Variants in DDI2 observed in about 807,000 individuals in gnomAD.
DDI2 encodes DDI proteasomal shuttling factor 2, also known as protein DDI1 homolog 2.
DDI2 carries 5 observed loss-of-function variants against 48.1 expected under a neutral mutation model. The observed-to-expected ratio is 0.10, with a 90% CI of 0.05 to 0.22. The LOEUF is 0.22. Ranked by LOEUF, DDI2 falls within the 10% of genes least tolerant of loss-of-function variation. The pLI, the probability that DDI2 is intolerant of heterozygous loss-of-function variation, is 1.00. For synonymous variants in DDI2, 205 were observed against 183.6 expected (o/e 1.12, Z -0.94); for missense variants, 285 against 506.2 (o/e 0.56, Z 4.19).
At position 15,617,617 on chromosome 1, in the gene DDI2, G is replaced by C; in HGVS notation, c.-54G>C. 1 of 1,284,584 alleles carries C rather than the reference G, an allele frequency of 7.8e-7. No individual in the cohort carries two copies. The allele number at this position is 1,284,584 out of a possible 1,614,324, so 79.6% of individuals were successfully genotyped here. On this transcript the variant is annotated 5_prime_UTR_variant, in exon 1 of 10. Coordinates refer to ENST00000480945, the MANE Select transcript of DDI2 (RefSeq NM_032341.5). Reference sequence around the variant, plus strand: ...AGGCCACGCCGCCGCCTCTTCCCCTGCGCCCCGCGCCCAGGCCGGGCCGAG... The same window carrying C: ...AGGCCACGCCGCCGCCTCTTCCCCTCCGCCCCGCGCCCAGGCCGGGCCGAG...
In DDI2 at chr1:15,652,270, C is replaced by T. The variant is rs191971861; in HGVS notation, c.1183+375C>T. Among the ~76,000 whole-genome samples, 19 of 151,424 alleles carry T rather than the reference C, an allele frequency of 1.3e-4. No homozygotes were observed. In the East Asian group the frequency reaches 3.7e-3, roughly 30 times the overall value. ...ATAGGGTCTTGCTGTGTTGTCCAGG[C>T]CTATCTCCAACTCCTGGGCTCAAGC... On this transcript the variant is annotated intron_variant, in intron 8 of 9. Transcript: ENST00000480945.
At chr1:15,658,037 C>A (rs910767142) in intron 9 of DDI2, among the ~76,000 whole-genome samples, 1 of 152,110 alleles carries the variant, frequency 6.6e-6, no homozygotes, top group Non-Finnish European at 1.5e-5. Flanking sequence ...TAAGATCAAG[C>A]CCTCTTGTTG....
At chr1:15,656,356 C>A in intron 8 of DDI2, 1 of 1,300,232 alleles carries the variant, frequency 7.7e-7, no homozygotes, top group African/African-American at 1.5e-5. Context: ...CCCGTGAATT[C>A]TCTATGTGTA....
chr1:15,636,956 C>T (rs1047809842), intron 4 of DDI2, among the ~76,000 whole-genome samples: 3 of 152,132 alleles, frequency 2.0e-5, no homozygotes, highest in Non-Finnish European at 4.4e-5. Context: ...ATTTACCAAC[C>T]CTGGATTTAC....
At chr1:15,659,703 C>A in intron 9 of DDI2, 134 bp from the exon 10 acceptor site, 1 of 807,184 alleles carries the variant, frequency 1.2e-6, no homozygotes, top group East Asian at 2.8e-5. Flanking sequence ...AAAATCATTT[C>A]TATTTGTGTA....
Position 15,660,611 on chromosome 1 carries a change from T to A in DDI2, c.*821T>A, listed in dbSNP as rs780934427. 6.2e-7 allele frequency: 1 copy of A among 1,614,076 alleles called. No homozygotes were observed. The highest frequency in any genetic ancestry group is 8.5e-7 in the Non-Finnish European group (1 of 1,180,012). ...AGTGGCTGCTCAAATTCAGAAACATTTATGGAAATCGATACAGCTCAACAG... is the reference window on the plus strand; with the variant it reads ...AGTGGCTGCTCAAATTCAGAAACATATATGGAAATCGATACAGCTCAACAG... On this transcript the variant is annotated 3_prime_UTR_variant, in exon 10 of 10. Transcript: ENST00000480945.
chr1:15,650,053 T>G (rs1640153416), intron 7 of DDI2, among the ~76,000 whole-genome samples: 1 of 152,218 alleles, frequency 6.6e-6, no homozygotes, highest in South Asian at 2.1e-4. Flanking sequence ...GCCAAATGTT[T>G]TGAGATTGTA....
rs141412676 is a variant in DDI2 at position 15,661,636 on chromosome 1, G to A, written c.*1846G>A. 2.5e-6 allele frequency: 4 copies of A among 1,613,998 alleles called. No homozygotes were observed. The African/African-American group carries it at 5.3e-5, about 22-fold the overall frequency. ...CCGTGCTGGCTTTACTTTGCAGGAAGCTCTTGGAGCTTTGCATCGAGTTGG... is the reference window on the plus strand; with the variant it reads ...CCGTGCTGGCTTTACTTTGCAGGAAACTCTTGGAGCTTTGCATCGAGTTGG... On this transcript the variant is annotated 3_prime_UTR_variant, in exon 10 of 10. Transcript: ENST00000480945.
In DDI2 at chr1:15,667,922, A is replaced by G. The variant is rs1380139200; in HGVS notation, c.*8132A>G. ...ACTATCTTCTGGAATGAAATCGGCC[A>G]AGAAAATGGTTCAAGGGCATGGGGG... On this transcript the variant is annotated 3_prime_UTR_variant, in exon 10 of 10. Transcript: ENST00000480945. 1.3e-5 allele frequency: 2 copies of G among 152,222 alleles called. No homozygotes were observed. Among genetic ancestry groups the G allele is most frequent in the East Asian group, 1.9e-4 (1 of 5,196 alleles). 9.4% of individuals were successfully genotyped at this position (152,222 alleles called of 1,614,324 possible). A position where few individuals can be genotyped will look rare whatever the true frequency, so the allele number is the denominator to read the frequency against.
At chr1:15,650,607 G>T (rs1261626967) in intron 7 of DDI2, among the ~76,000 whole-genome samples, 2 of 152,016 alleles carry the variant, frequency 1.3e-5, no homozygotes, top group Non-Finnish European at 2.9e-5. Context: ...AATTAGCTAG[G>T]CGTGGTGGTA....
chr1:15,658,370 G>A (rs1013910427), intron 9 of DDI2, among the ~76,000 whole-genome samples: 11 of 151,582 alleles, frequency 7.3e-5, no homozygotes, highest in Admixed American at 3.9e-4. Flanking sequence ...GGCTGGTCTC[G>A]AACTCCTGAC....
intron 6 of DDI2, among the ~76,000 whole-genome samples, chr1:15,647,392 G>T (rs868840402): frequency 6.6e-6 from 1 of 151,830 alleles, no homozygotes; most frequent in East Asian, 1.9e-4. Flanking sequence ...AAAGTGATTC[G>T]CCTGCCTCAG....
At chr1:15,631,539 A>G (rs1639843505) in intron 3 of DDI2, among the ~76,000 whole-genome samples, 1 of 152,220 alleles carries the variant, frequency 6.6e-6, no homozygotes, top group Non-Finnish European at 1.5e-5. Context: ...TCATTCCTCA[A>G]TTGACTGTCT....
chr1:15,656,522 T>G, intron 8 of DDI2, 95 bp from the exon 9 acceptor site: 3 of 1,609,620 alleles, frequency 1.9e-6, no homozygotes, highest in Non-Finnish European at 2.5e-6. Context: ...GTTCCTGATT[T>G]TAAAGATGGC....
At chr1:15,652,810 G>A (rs994204315) in intron 8 of DDI2, among the ~76,000 whole-genome samples, 3 of 149,354 alleles carry the variant, frequency 2.0e-5, no homozygotes, top group South Asian at 4.2e-4. Context: ...GTAAGAGAGC[G>A]AGACTCCATC....
chr1:15,620,433 C>A (rs760258590), intron 1 of DDI2, among the ~76,000 whole-genome samples: 1 of 152,124 alleles, frequency 6.6e-6, no homozygotes, highest in Admixed American at 6.6e-5. Flanking sequence ...AGTGTCCCCC[C>A]CCATTACCTC....
chr1:15,661,442 G>T lies in DDI2; in HGVS notation c.*1652G>T. On this transcript the variant is annotated 3_prime_UTR_variant, in exon 10 of 10. Transcript: ENST00000480945. ...AATTTCATATTGGTTAAAGACTTAG[G>T]TCAGGGCATACAGAATTCAGTAACA... 6.2e-7 allele frequency: 1 copy of T among 1,614,084 alleles called. No homozygotes were observed. Among genetic ancestry groups the T allele is most frequent in the East Asian group, 2.2e-5 (1 of 44,886 alleles).
chr1:15,661,593 A>C lies in DDI2; in HGVS notation c.*1803A>C. The stretch of plus-strand genomic sequence containing the variant: ...TTCCACCATTGATTTTTCCTGCCAC[A>C]GATATTGACCGCATTCTCCGTGCTG... On this transcript the variant is annotated 3_prime_UTR_variant, in exon 10 of 10. Coordinates refer to ENST00000480945, the MANE Select transcript of DDI2 (RefSeq NM_032341.5). 1 of 1,614,120 alleles carries C rather than the reference A, an allele frequency of 6.2e-7. No individual in the cohort carries two copies.
intron 1 of DDI2, among the ~76,000 whole-genome samples, chr1:15,619,724 G>A (rs1215108593): frequency 2.6e-5 from 4 of 151,986 alleles, no homozygotes; most frequent in Admixed American, 2.6e-4. Flanking sequence ...GCCTTCCAAA[G>A]TGCTGTGAGC....
Sources: gnomAD v4.1 joint callset for allele counts (sites outside exome capture counted in the v4.1 genomes callset) on GRCh38, gnomAD v4.1.1 for gene constraint, MANE v1.5 for transcripts, NCBI Gene and HGNC (gene_info 2026-07-23, HGNC 2026-07-21) for gene names.